The following ERCC1 variants were observed in gnomAD, a reference collection of about 807,000 sequenced individuals.
ERCC1 encodes DNA excision repair protein ERCC-1.
In ERCC1, 36 loss-of-function variants were observed where a neutral mutation model predicts 37.6. That is an observed-to-expected ratio of 0.96 (90% CI 0.73 to 1.26). ERCC1 has a LOEUF of 1.26. ERCC1 is among the 50% of genes most tolerant of loss of function. The pLI is 0.00. For synonymous variants in ERCC1, 156 were observed against 162.1 expected (o/e 0.96, Z 0.28); for missense variants, 349 against 376.5 (o/e 0.93, Z 0.60).
intron 2 of ERCC1, 29 bp from the exon 3 acceptor site, chr19:45,421,422 A>G (rs1283385639): frequency 6.4e-7 from 1 of 1,554,106 alleles, no homozygotes; most frequent in South Asian, 1.1e-5. Context: ...TTTGCAGGGG[A>G]CTGGTTGGGG....
chr19:45,414,599 G>A (rs1973940034), intron 7 of ERCC1: 1 of 479,152 alleles, frequency 2.1e-6, no homozygotes, highest in African/African-American at 2.0e-5. Context: ...GGGCTTCTGA[G>A]CCTGACGGGC....
chr19:45,423,655 G>C, intron 1 of ERCC1, 126 bp downstream of exon 1: 2 of 1,281,078 alleles, frequency 1.6e-6, no homozygotes, highest in Non-Finnish European at 2.0e-6. Flanking sequence ...CCCGCCTTCC[G>C]TTCGTCCGGC....
intron 6 of ERCC1, 27 bp downstream of exon 6, chr19:45,416,794 A>C: frequency 6.3e-7 from 1 of 1,586,546 alleles, no homozygotes; most frequent in Non-Finnish European, 8.7e-7. Flanking sequence ...GTGGAGCCTG[A>C]ATGAGGCAGG....
intron 1 of ERCC1, among the ~76,000 whole-genome samples, chr19:45,439,733 C>T (rs1975069603): frequency 6.6e-6 from 1 of 152,022 alleles, no homozygotes; most frequent in Admixed American, 6.6e-5. Context: ...TCGCCGGCGC[C>T]CGGGAGCCCG....
In ERCC1 at chr19:45,408,086, C is replaced by T; in HGVS notation, c.*1589G>A. 5 of 1,493,496 alleles carry T rather than the reference C, an allele frequency of 3.3e-6. No individual in the cohort carries two copies. In the South Asian group the frequency reaches 5.2e-5, roughly 16 times the overall value. The allele number at this position is 1,493,496 out of a possible 1,614,324, so 92.5% of individuals were successfully genotyped here. On this transcript the variant is annotated 3_prime_UTR_variant, in exon 10 of 10. Coordinates refer to ENST00000300853, the MANE Select transcript of ERCC1 (RefSeq NM_001983.4). ...CAAAAAAAAAATCAAAAAACCTTCC[C>T]TCTCCTGTTCCACTTAAGCCTCTGC... is the stretch of plus-strand genomic sequence containing the variant.
chr19:45,439,780 C>A (rs931692038), intron 1 of ERCC1, among the ~76,000 whole-genome samples: 1 of 151,998 alleles, frequency 6.6e-6, no homozygotes, highest in Admixed American at 6.5e-5. Context: ...CAGGGCGCCC[C>A]CGATCGAGGC....
At chr19:45,442,798 G>A (rs1975155152) in intron 1 of ERCC1, among the ~76,000 whole-genome samples, 1 of 152,148 alleles carries the variant, frequency 6.6e-6, no homozygotes, top group African/African-American at 2.4e-5. Flanking sequence ...TGGAGGGCTT[G>A]GATGGAAGTA....
At chr19:45,449,767 C>G (rs1490123565) in intron 1 of ERCC1, among the ~76,000 whole-genome samples, 1 of 152,102 alleles carries the variant, frequency 6.6e-6, no homozygotes, top group African/African-American at 2.4e-5. Flanking sequence ...GAGTTCAAGA[C>G]CAGCCTGGCC....
chr19:45,414,819 GC>G, intron 7 of ERCC1, 41 bp downstream of exon 7: 1 of 1,406,680 alleles, frequency 7.1e-7, no homozygotes, highest in Non-Finnish European at 1.0e-6. Flanking sequence ...CCCAGGAGCT[GC>G]GGGGAGGCCC....
intron 1 of ERCC1, among the ~76,000 whole-genome samples, chr19:45,439,743 G>A (rs1194124842): frequency 6.6e-6 from 1 of 151,994 alleles, no homozygotes. Context: ...CCGGGAGCCC[G>A]GGAGGCGGGT....
rs1018111806 is a variant in ERCC1, at chr19:45,409,611, C to A, written c.*64G>T. ...CCAGAGACTGCACCAGCGCAGCCAGCAGGAGCCTGGCCTGGGAGGACGATT... is the reference window on the plus strand; with the variant it reads ...CCAGAGACTGCACCAGCGCAGCCAGAAGGAGCCTGGCCTGGGAGGACGATT... On this transcript the variant is annotated 3_prime_UTR_variant, in exon 10 of 10. Coordinates refer to ENST00000300853, the MANE Select transcript of ERCC1 (RefSeq NM_001983.4). 6.4e-7 allele frequency: 1 copy of A among 1,572,468 alleles called. No individual in the cohort carries two copies. Among genetic ancestry groups the A allele is most frequent in the Non-Finnish European group, 8.7e-7 (1 of 1,150,768 alleles).
chr19:45,409,886 A>ATTT (rs1269879245), intron 9 of ERCC1, 161 bp from the exon 10 acceptor site: 2 of 249,712 alleles, frequency 8.0e-6, no homozygotes, highest in South Asian at 1.8e-4. Flanking sequence ...AGTTATTATT[A>ATTT]TTATTATTAT....
At chr19:45,423,134 G>A in intron 2 of ERCC1, 136 bp downstream of exon 2, 9 of 796,172 alleles carry the variant, frequency 1.1e-5, no homozygotes, top group Admixed American at 4.7e-5. Flanking sequence ...ACCTGGGGAG[G>A]ACCAAGGACT....
chr19:45,416,733 A>G, intron 6 of ERCC1, 88 bp downstream of exon 6: 1 of 951,218 alleles, frequency 1.1e-6, no homozygotes. Context: ...CACAGGAAGG[A>G]GAAGGGAAGG....
chr19:45,418,063 A>C (rs1974166975), intron 5 of ERCC1, among the ~76,000 whole-genome samples: 1 of 151,948 alleles, frequency 6.6e-6, no homozygotes, highest in South Asian at 2.1e-4. Context: ...CCTGTCTCTA[A>C]AAATTAAAAA....
At chr19:45,436,392 C>T (rs997767841) in intron 1 of ERCC1, among the ~76,000 whole-genome samples, 2 of 152,042 alleles carry the variant, frequency 1.3e-5, no homozygotes, top group Admixed American at 6.6e-5. Context: ...TTTGGGAGGC[C>T]GAGGCGGGCG....
Position 45,409,137 on chromosome 19 carries a change from A to G in ERCC1, c.*538T>C, listed in dbSNP as rs1973528943. ...GCTCCCAAAAAGAAGACGAAGAAAG[A>G]AAAACAGCAAGATGCCACAGTGGAG... On this transcript the variant is annotated 3_prime_UTR_variant, in exon 10 of 10. Coordinates refer to ENST00000300853, the MANE Select transcript of ERCC1 (RefSeq NM_001983.4). 2 of 1,613,086 alleles carry G rather than the reference A, an allele frequency of 1.2e-6. No homozygotes were observed. The highest frequency in any genetic ancestry group is 1.7e-5 in the Admixed American group (1 of 59,928).
At chr19:45,430,123 C>G (rs1974797349) in intron 1 of ERCC1, among the ~76,000 whole-genome samples, 1 of 152,222 alleles carries the variant, frequency 6.6e-6, no homozygotes, top group Non-Finnish European at 1.5e-5. Flanking sequence ...ACCCACTGAA[C>G]TGGGAGCCCC....
rs149071715 is a variant in ERCC1 at position 45,408,430 on chromosome 19, C to T, written c.*1245G>A. 5.2e-5 allele frequency: 84 copies of T among 1,613,582 alleles called. No homozygotes were observed. The highest frequency in any genetic ancestry group is 6.9e-5 in the Non-Finnish European group (81 of 1,179,870). On this transcript the variant is annotated 3_prime_UTR_variant, in exon 10 of 10. Coordinates refer to ENST00000300853, the MANE Select transcript of ERCC1 (RefSeq NM_001983.4). ...GGCCTCGGTTCTGTGCCTTTGGGGG[C>T]AACCCACCAGTCACAGGGCCTAGGT...
Sources: gnomAD v4.1 joint callset for allele counts (sites outside exome capture counted in the v4.1 genomes callset) on GRCh38, gnomAD v4.1.1 for gene constraint, MANE v1.5 for transcripts, NCBI Gene and HGNC (gene_info 2026-07-23, HGNC 2026-07-21) for gene names.